The following SLC9A9 variants were observed in gnomAD, a reference collection of about 807,000 sequenced individuals.
SLC9A9 encodes the protein sodium/hydrogen exchanger 9.
Under a neutral mutation model 77.8 loss-of-function variants are expected in SLC9A9, and 62 were observed. The observed-to-expected ratio is 0.80, with a 90% CI of 0.65 to 0.98. SLC9A9 has a LOEUF of 0.98. SLC9A9 is among the 50% of genes least tolerant of loss of function. The pLI, the probability that SLC9A9 is intolerant of heterozygous loss-of-function variation, is 0.00. For synonymous variants in SLC9A9, 320 were observed against 283.5 expected, an observed-to-expected ratio of 1.13 and a Z score of -1.29; for missense variants, 775 against 774.9, an observed-to-expected ratio of 1.00 and a Z score of 0.00.
chr3:143,593,685 T>C (rs930290126), intron 6 of SLC9A9, among the ~76,000 whole-genome samples: 8 of 152,182 alleles, frequency 5.3e-5, no homozygotes, highest in South Asian at 2.1e-4. Flanking sequence ...GGAGAGGGGC[T>C]GTAAAATTTA....
At chr3:143,664,685 C>T (rs2039034263) in intron 5 of SLC9A9, among the ~76,000 whole-genome samples, 1 of 152,144 alleles carries the variant, frequency 6.6e-6, no homozygotes, top group Admixed American at 6.5e-5. Context: ...GGTTGCAATC[C>T]TAGTCTCTGA....
intron 2 of SLC9A9, among the ~76,000 whole-genome samples, chr3:143,809,308 C>T (rs2008803809): frequency 6.6e-6 from 1 of 152,188 alleles, no homozygotes; most frequent in South Asian, 2.1e-4. Context: ...AACTAATATC[C>T]TATTGAATTA....
chr3:143,799,760 C>T (rs62268875), intron 2 of SLC9A9, among the ~76,000 whole-genome samples: 150,582 of 152,336 alleles, frequency 0.99, 74,432 homozygotes, highest in East Asian at 1. Context: ...GGCTGAAGAC[C>T]GATGCTGCCT....
chr3:143,541,966 A>G (rs1011490331), intron 9 of SLC9A9, among the ~76,000 whole-genome samples: 6 of 152,192 alleles, frequency 3.9e-5, no homozygotes, highest in Non-Finnish European at 7.3e-5. Context: ...GGGTCCCAGT[A>G]CCCAGGACAT....
intron 9 of SLC9A9, among the ~76,000 whole-genome samples, chr3:143,551,618 C>A (rs1237771959): frequency 1.3e-5 from 2 of 152,200 alleles, no homozygotes; most frequent in Non-Finnish European, 2.9e-5. Context: ...GAAACTTTCT[C>A]CTGACTTTCT....
chr3:143,713,866 G>A (rs959848233), intron 4 of SLC9A9, among the ~76,000 whole-genome samples: 2 of 152,142 alleles, frequency 1.3e-5, no homozygotes, highest in South Asian at 2.1e-4. Context: ...ACTGTAAGAG[G>A]AAGATGGGAA....
At chr3:143,637,893 T>C (rs1314503934) in intron 6 of SLC9A9, among the ~76,000 whole-genome samples, 8 of 152,228 alleles carry the variant, frequency 5.3e-5, no homozygotes. Flanking sequence ...TGTTCTAAGA[T>C]TAAAGTTTTT....
At chr3:143,763,927 A>G (rs563999579) in intron 4 of SLC9A9, among the ~76,000 whole-genome samples, 16 of 152,184 alleles carry the variant, frequency 1.1e-4, no homozygotes, top group African/African-American at 3.6e-4. Context: ...GCTTCTTTTT[A>G]ACTAGGAGAA....
intron 12 of SLC9A9, among the ~76,000 whole-genome samples, chr3:143,415,715 C>G (rs2034180140): frequency 1.3e-5 from 2 of 152,092 alleles, no homozygotes; most frequent in Admixed American, 1.3e-4. Flanking sequence ...ACAACATCAG[C>G]CAGTGAATTA....
At chr3:143,509,358 T>A (rs561818948) in intron 9 of SLC9A9, among the ~76,000 whole-genome samples, 45 of 152,320 alleles carry the variant, frequency 3.0e-4, no homozygotes, top group African/African-American at 1.1e-3. Flanking sequence ...AGTTAAAATA[T>A]ACTGACTGTA....
chr3:143,370,910 C>A (rs1256234333), intron 13 of SLC9A9, among the ~76,000 whole-genome samples: 1 of 151,936 alleles, frequency 6.6e-6, no homozygotes, highest in African/African-American at 2.4e-5. Context: ...ATGAGGTGAG[C>A]CCTCTACTCT....
At chr3:143,569,724 A>G (rs1559972120) in intron 8 of SLC9A9, among the ~76,000 whole-genome samples, 1 of 152,126 alleles carries the variant, frequency 6.6e-6, no homozygotes. Flanking sequence ...CGAACAAAAC[A>G]GAACATAGTT....
At chr3:143,840,245 C>G (rs1241590222) in intron 1 of SLC9A9, among the ~76,000 whole-genome samples, 1 of 41,788 alleles carries the variant, frequency 2.4e-5, no homozygotes, top group Non-Finnish European at 6.9e-5. Flanking sequence ...ATAGTAGTTC[C>G]TACCAACATA....
chr3:143,486,792 GA>G (rs1172549421), intron 11 of SLC9A9, among the ~76,000 whole-genome samples: 1 of 151,892 alleles, frequency 6.6e-6, no homozygotes, highest in Non-Finnish European at 1.5e-5. Flanking sequence ...ATATACAAAA[GA>G]AAGGAATAAA....
At chr3:143,377,790 A>T (rs975701820) in intron 13 of SLC9A9, among the ~76,000 whole-genome samples, 6 of 152,118 alleles carry the variant, frequency 3.9e-5, no homozygotes, top group Non-Finnish European at 5.9e-5. Flanking sequence ...ATCACATTAG[A>T]AAAAAACTCA....
chr3:143,442,699 T>A (rs190293843), intron 12 of SLC9A9, among the ~76,000 whole-genome samples: 2 of 152,360 alleles, frequency 1.3e-5, no homozygotes, highest in East Asian at 1.9e-4. Context: ...CACTCCAGCC[T>A]GGGTGACAGA....
chr3:143,842,248 G>A (rs982083621), intron 1 of SLC9A9, among the ~76,000 whole-genome samples: 4 of 152,162 alleles, frequency 2.6e-5, no homozygotes, highest in African/African-American at 4.8e-5. Flanking sequence ...AGGCGTGGTG[G>A]TGGGCGCCTG....
rs556960306 is a variant in SLC9A9, at chr3:143,386,878, T to C, written c.1470-4764A>G. Among the ~76,000 whole-genome samples, 7 of 152,322 alleles carry C rather than the reference T, an allele frequency of 4.6e-5. No individual in the cohort carries two copies. The East Asian group carries it at 1.2e-3, about 25-fold the overall frequency. ...ATTTTTGAGACACAGTCTCATTCTG[T>C]CACCCAGGCTGGAGTATAGCGGTAT... On this transcript the variant is annotated intron_variant, in intron 12 of 15. Transcript: ENST00000316549.
At chr3:143,797,209 G>C (rs1005295543) in intron 2 of SLC9A9, among the ~76,000 whole-genome samples, 2 of 43,146 alleles carry the variant, frequency 4.6e-5, no homozygotes, top group South Asian at 1.5e-3. Context: ...ATGTATATAG[G>C]CTTCTTACAA....
Sources: gnomAD v4.1 joint callset for allele counts (sites outside exome capture counted in the v4.1 genomes callset) on GRCh38, gnomAD v4.1.1 for gene constraint, MANE v1.5 for transcripts, NCBI Gene and HGNC (gene_info 2026-07-23, HGNC 2026-07-21) for gene names.